Variants in CCDC102B observed in about 807,000 individuals in gnomAD.
The protein encoded by CCDC102B is coiled-coil domain-containing protein 102B.
A neutral mutation model predicts 57.4 loss-of-function variants in CCDC102B; 75 were observed. The ratio of observed to expected loss-of-function variants is 1.31; its 90% confidence interval spans 1.08 to 1.58. CCDC102B has a LOEUF of 1.58. Among genes scored for constraint, CCDC102B ranks in the 40% most tolerant of loss-of-function variants. The probability of loss-of-function intolerance (pLI) is 0.00; values close to 1 mark genes in which losing one functional copy is unlikely to be tolerated. For missense variants in CCDC102B, 636 were observed against 582.6 expected, an observed-to-expected ratio of 1.09 and a Z score of -0.94; for synonymous variants, 206 against 201.9, an observed-to-expected ratio of 1.02 and a Z score of -0.17.
At chr18:68,986,305 A>T (rs2050721168) in intron 6 of CCDC102B, among the ~76,000 whole-genome samples, 1 of 152,204 alleles carries the variant, frequency 6.6e-6, no homozygotes, top group Non-Finnish European at 1.5e-5. Flanking sequence ...GTGATTAAGT[A>T]GACTTTATTC....
chr18:68,943,362 A>G (rs1028445905), intron 6 of CCDC102B, among the ~76,000 whole-genome samples: 3 of 152,164 alleles, frequency 2.0e-5, no homozygotes, highest in Admixed American at 2.0e-4. Context: ...ATCTTTGAGA[A>G]AACAATGGTT....
intron 2 of CCDC102B, among the ~76,000 whole-genome samples, chr18:68,776,750 A>T (rs886944468): frequency 5.9e-5 from 9 of 152,158 alleles, no homozygotes; most frequent in Non-Finnish European, 1.0e-4. Context: ...ATCTGTACAA[A>T]AAAAAACCCT....
intron 4 of CCDC102B, among the ~76,000 whole-genome samples, chr18:68,870,233 T>C (rs2039185056): frequency 6.6e-6 from 1 of 152,038 alleles, no homozygotes; most frequent in African/African-American, 2.4e-5. Context: ...AGCATTAGGA[T>C]GAATGCATGC....
chr18:69,018,552 C>T (rs1262704671), intron 7 of CCDC102B, among the ~76,000 whole-genome samples: 3 of 152,086 alleles, frequency 2.0e-5, no homozygotes, highest in Non-Finnish European at 4.4e-5. Context: ...TTTTCAAATA[C>T]CTCTTGACTG....
chr18:68,867,788 G>A (rs79799863), intron 4 of CCDC102B, among the ~76,000 whole-genome samples: 7 of 151,302 alleles, frequency 4.6e-5, no homozygotes, highest in African/African-American at 1.7e-4. Flanking sequence ...CAAAAAATTA[G>A]TCAGGAGTGG....
At chr18:68,812,942 G>C (rs2036324584) in intron 1 of CCDC102B, among the ~76,000 whole-genome samples, 1 of 152,080 alleles carries the variant, frequency 6.6e-6, no homozygotes, top group Non-Finnish European at 1.5e-5. Context: ...TGAGAGGAGA[G>C]AAGGGAAGCT....
chr18:68,892,606 G>A (rs1211026504), intron 5 of CCDC102B, among the ~76,000 whole-genome samples: 2 of 152,122 alleles, frequency 1.3e-5, no homozygotes, highest in South Asian at 2.1e-4. Context: ...GCTTGAGAGA[G>A]TGAGATTTAG....
intron 2 of CCDC102B, among the ~76,000 whole-genome samples, chr18:68,790,917 CTT>C (rs1162971001): frequency 1.3e-5 from 2 of 152,160 alleles, no homozygotes; most frequent in Non-Finnish European, 2.9e-5. Context: ...ATGACAATCT[CTT>C]ATGATATAAG....
At chr18:68,849,700 C>T (rs2038037094) in intron 4 of CCDC102B, among the ~76,000 whole-genome samples, 1 of 152,164 alleles carries the variant, frequency 6.6e-6, no homozygotes, top group Admixed American at 6.6e-5. Context: ...AGTCCACATT[C>T]ACCTGCCTAA....
At chr18:68,795,360 G>C (rs571942144), upstream of CCDC102B, among the ~76,000 whole-genome samples, 1 of 152,070 alleles carries the variant, frequency 6.6e-6, no homozygotes, top group East Asian at 1.9e-4. Context: ...TTAAGGAAAG[G>C]CCATATATAT....
At chr18:68,976,289 G>A (rs1037848698) in intron 6 of CCDC102B, among the ~76,000 whole-genome samples, 1 of 151,916 alleles carries the variant, frequency 6.6e-6, no homozygotes, top group African/African-American at 2.4e-5. Flanking sequence ...AATAGTAACT[G>A]GTTATCTTAA....
intron 1 of CCDC102B, among the ~76,000 whole-genome samples, chr18:68,830,007 G>A (rs1166229465): frequency 6.6e-6 from 1 of 151,946 alleles, no homozygotes; most frequent in Non-Finnish European, 1.5e-5. Flanking sequence ...TAGTGGAACT[G>A]TGATAGGAAT....
At chr18:68,923,172 T>G (rs2041346527) in intron 6 of CCDC102B, among the ~76,000 whole-genome samples, 1 of 151,776 alleles carries the variant, frequency 6.6e-6, no homozygotes, top group Admixed American at 6.6e-5. Flanking sequence ...ACATACAGTT[T>G]TTTTTTTACC....
chr18:68,899,695 TA>T (rs1264651515), intron 6 of CCDC102B: 2 of 152,132 alleles, frequency 1.3e-5, no homozygotes, highest in African/African-American at 4.8e-5. Flanking sequence ...ACATAAATTG[TA>T]AAAAATATGT....
intron 1 of CCDC102B, among the ~76,000 whole-genome samples, chr18:68,716,304 T>C (rs2145174041): frequency 6.6e-6 from 1 of 151,936 alleles, no homozygotes; most frequent in African/African-American, 2.4e-5. Flanking sequence ...TTTTTTTCAT[T>C]CTCATGTATT....
chr18:68,842,318 T>C, intron 3 of CCDC102B, among the ~76,000 whole-genome samples: 1 of 151,866 alleles, frequency 6.6e-6, no homozygotes, highest in East Asian at 1.9e-4. Flanking sequence ...TGTAAATATT[T>C]GAAAATCAAG....
rs521131 is a variant in CCDC102B, at chr18:68,803,533, T to C, written c.-16+5352T>C. On this transcript the variant is annotated intron_variant, in intron 1 of 7. Transcript: ENST00000360242. The stretch of plus-strand genomic sequence containing the variant: ...GAGGAATCTTGGCAGAAGAGAAGTA[T>C]AAAGGAAATCACATGTGCTAAAGTC... 3.4e-3 allele frequency among the ~76,000 whole-genome samples: 521 copies of C among 152,198 alleles called. 2 individuals are homozygous for C. The highest frequency in any genetic ancestry group is 0.012 in the African/African-American group (492 of 41,520).
chr18:68,959,528 A>T (rs2049992739), intron 6 of CCDC102B, among the ~76,000 whole-genome samples: 1 of 151,924 alleles, frequency 6.6e-6, no homozygotes, highest in Admixed American at 6.6e-5. Context: ...TTCACTCAGG[A>T]CCTAAGGGCT....
chr18:68,732,347 T>G (rs957055129), intron 2 of CCDC102B, among the ~76,000 whole-genome samples: 1 of 151,702 alleles, frequency 6.6e-6, no homozygotes, highest in Non-Finnish European at 1.5e-5. Flanking sequence ...TTCTTTTTTT[T>G]TCTCTCTCTC....
Sources: allele counts gnomAD v4.1 joint callset (sites outside exome capture counted in the v4.1 genomes callset), GRCh38; gene constraint gnomAD v4.1.1; transcripts MANE v1.5; gene names NCBI Gene and HGNC (gene_info 2026-07-23, HGNC 2026-07-21).